UNC80: variants seen among roughly 807,000 people sequenced by gnomAD.
UNC80 encodes the protein protein unc-80 homolog.
UNC80 carries 164 observed loss-of-function variants against 384.6 expected under a neutral mutation model. The ratio of observed to expected loss-of-function variants is 0.43; its 90% CI spans 0.38 to 0.49. UNC80 has a LOEUF of 0.49. UNC80 is among the 20% of genes least tolerant of loss of function. The pLI, the probability that UNC80 is intolerant of heterozygous loss-of-function variation, is 0.00. For synonymous variants in UNC80, 1,486 were observed against 1,527.8 expected, an observed-to-expected ratio of 0.97 and a Z score of 0.64; for missense variants, 3,330 against 4,143.0, an observed-to-expected ratio of 0.80 and a Z score of 5.39.
At chr2:209,782,600 T>C (rs2077212163) in intron 4 of UNC80, among the ~76,000 whole-genome samples, 1 of 152,138 alleles carries the variant, frequency 6.6e-6, no homozygotes, top group Admixed American at 6.6e-5. Flanking sequence ...GCTAACATAG[T>C]ATCTGTGTTT....
chr2:209,803,966 G>T (rs1476107861), intron 7 of UNC80, among the ~76,000 whole-genome samples: 1 of 152,062 alleles, frequency 6.6e-6, no homozygotes, highest in Non-Finnish European at 1.5e-5. Context: ...TGAACCCCTG[G>T]CCTCAAGTGA....
chr2:209,939,551 A>C lies in UNC80; in HGVS notation c.6545A>C (p.Lys2182Thr). 1 of 1,551,700 alleles carries C rather than the reference A, an allele frequency of 6.4e-7. No individual in the cohort carries two copies. Among genetic ancestry groups the C allele is most frequent in the Non-Finnish European group, 8.7e-7 (1 of 1,146,944 alleles). Residue 2182 changes from lysine to threonine, a missense_variant, in exon 43 of 65, where the codon AAA becomes ACA. Physicochemically the swap from Lys to Thr is moderately conservative, Grantham distance 78 (BLOSUM62 -1). Around this residue, in one of 8 missense-constraint regions of UNC80, gnomAD observed 1,049 missense variants for 1,488.6 expected, o/e 0.70. Coordinates refer to ENST00000673920, the MANE Select transcript of UNC80 (RefSeq NM_001371986.1). Reference protein sequence around the residue: ...SLTQKIPTAHKQSHVSMLQED... With the variant: ...SLTQKIPTAHTQSHVSMLQED... ...ACCCAGAAGATCCCCACAGCCCACA[A>C]ACAGTCCCACGTCTCCATGCTTCAG...
At chr2:209,829,119 C>T (rs2080766298) in intron 14 of UNC80, 113 bp from the exon 15 acceptor site, 10 of 1,290,650 alleles carry the variant, frequency 7.7e-6, no homozygotes, top group African/African-American at 1.5e-5. Context: ...CTGTCACCAG[C>T]GAGTGGGGAT....
At chr2:209,959,220 G>A in intron 50 of UNC80, 66 bp downstream of exon 50, 1 of 1,498,310 alleles carries the variant, frequency 6.7e-7, no homozygotes, top group Admixed American at 2.0e-5. Flanking sequence ...CTTTTAAGCT[G>A]GTTTATGGCT....
chr2:209,973,005 G>A (rs1056359753), intron 55 of UNC80, 59 bp from the exon 56 acceptor site: 2 of 1,486,034 alleles, frequency 1.3e-6, no homozygotes, highest in African/African-American at 2.8e-5. Flanking sequence ...ATCTACTGTG[G>A]ACAGTCTACC....
intron 18 of UNC80, among the ~76,000 whole-genome samples, chr2:209,837,245 T>A (rs1356595611): frequency 6.6e-6 from 1 of 152,210 alleles, no homozygotes; most frequent in Non-Finnish European, 1.5e-5. Context: ...CCAAAACTTG[T>A]AAGCAAATCA....
At chr2:209,934,078 T>A (rs1254759570) in intron 39 of UNC80, 73 bp downstream of exon 39, 2 of 1,348,970 alleles carry the variant, frequency 1.5e-6, no homozygotes, top group South Asian at 1.6e-5. Context: ...AGACTAAGAG[T>A]CTCTTTCATT....
At chr2:209,957,113 A>G (rs908830207) in intron 48 of UNC80, among the ~76,000 whole-genome samples, 2 of 152,246 alleles carry the variant, frequency 1.3e-5, no homozygotes, top group Non-Finnish European at 2.9e-5. Context: ...GATCTAAATT[A>G]CTGACTTATA....
At chr2:209,969,976 A>C in intron 53 of UNC80, 85 bp downstream of exon 53, 1 of 1,497,236 alleles carries the variant, frequency 6.7e-7, no homozygotes. Context: ...TTACAGGTCA[A>C]CCACTTTGTG....
At chr2:209,891,648 T>C (rs2086343426) in intron 26 of UNC80, among the ~76,000 whole-genome samples, 1 of 152,140 alleles carries the variant, frequency 6.6e-6, no homozygotes, top group Admixed American at 6.6e-5. Flanking sequence ...TGCTGAATAT[T>C]TTTTCTACAC....
chr2:209,914,681 G>GTGTATA (rs770809140), intron 31 of UNC80, among the ~76,000 whole-genome samples: 29 of 149,666 alleles, frequency 1.9e-4, no homozygotes, highest in African/African-American at 6.9e-4. Flanking sequence ...GTGTGTGTGT[G>GTGTATA]TATATAAATA....
At chr2:209,843,818 A>G (rs1210649237) in intron 21 of UNC80, among the ~76,000 whole-genome samples, 2 of 152,186 alleles carry the variant, frequency 1.3e-5, no homozygotes, top group East Asian at 3.8e-4. Context: ...CCATACAGTT[A>G]ATTTTCTAGT....
Position 209,817,139 on chromosome 2 carries a change from C to G in UNC80, c.1552+14C>G, listed in dbSNP as rs1283173313. Reference sequence around the variant, plus strand: ...CCACCATTTTAGGTGACCACAAGGCCTTCCAAAATAGGGCAGAGTTTAAGT... The same window carrying G: ...CCACCATTTTAGGTGACCACAAGGCGTTCCAAAATAGGGCAGAGTTTAAGT... On this transcript the variant is annotated intron_variant, in intron 10 of 64. Coordinates refer to ENST00000673920, the MANE Select transcript of UNC80 (RefSeq NM_001371986.1). 2 of 1,550,072 alleles carry G rather than the reference C, an allele frequency of 1.3e-6. No individual in the cohort carries two copies. Among genetic ancestry groups the G allele is most frequent in the African/African-American group, 2.7e-5 (2 of 72,984 alleles).
chr2:209,852,702 G>A (rs2082617467), intron 22 of UNC80, among the ~76,000 whole-genome samples: 2 of 152,084 alleles, frequency 1.3e-5, no homozygotes, highest in Admixed American at 1.3e-4. Context: ...TGTGATAACT[G>A]CAATTGTTCA....
intron 7 of UNC80, among the ~76,000 whole-genome samples, chr2:209,811,615 G>T (rs879312570): frequency 6.6e-6 from 1 of 152,174 alleles, no homozygotes; most frequent in Non-Finnish European, 1.5e-5. Flanking sequence ...ATAAACTCTG[G>T]CATAGCATAT....
chr2:209,904,457 G>A (rs950271394), intron 28 of UNC80, among the ~76,000 whole-genome samples: 1 of 152,190 alleles, frequency 6.6e-6, no homozygotes, highest in African/African-American at 2.4e-5. Context: ...TTAGTTTTAA[G>A]TTCAGAATCT....
At chr2:209,876,794 G>T (rs1471222582) in intron 23 of UNC80, among the ~76,000 whole-genome samples, 1 of 152,128 alleles carries the variant, frequency 6.6e-6, no homozygotes, top group South Asian at 2.1e-4. Flanking sequence ...CCCACATACT[G>T]CATTCTCCTT....
chr2:209,971,960 A>G (rs920478352), intron 54 of UNC80, among the ~76,000 whole-genome samples: 3 of 152,210 alleles, frequency 2.0e-5, no homozygotes, highest in Non-Finnish European at 2.9e-5. Context: ...TAAGTATTCT[A>G]ATTTTTCATT....
At chr2:209,804,757 T>TG (rs1559117958) in intron 7 of UNC80, among the ~76,000 whole-genome samples, 12 of 47,524 alleles carry the variant, frequency 2.5e-4, no homozygotes, top group African/African-American at 1.7e-3. Context: ...AGAGAGTTTT[T>TG]TTTTTGTTTT....
Sources: gnomAD v4.1 joint callset for allele counts (sites outside exome capture counted in the v4.1 genomes callset) on GRCh38, gnomAD v4.1.1 for gene constraint, gnomAD v4.1.1 regional missense constraint, MANE v1.5 for transcripts, NCBI Gene and HGNC (gene_info 2026-07-23, HGNC 2026-07-21) for gene names.